The following MAGI2 variants were observed in gnomAD, a reference collection of about 807,000 sequenced individuals.
MAGI2 encodes membrane associated guanylate kinase, WW and PDZ domain containing 2.
A neutral mutation model predicts 133.3 loss-of-function variants in MAGI2; 35 were observed. The observed-to-expected ratio is 0.26, with a 90% CI of 0.20 to 0.35. The LOEUF (loss-of-function observed/expected upper bound fraction) is 0.35, where lower values mean the gene tolerates loss of function less well. MAGI2 is among the 10% of genes least tolerant of loss of function. MAGI2 has a pLI of 1.00. For synonymous variants in MAGI2, 729 were observed against 710.6 expected (o/e 1.03, Z -0.41); for missense variants, 1,636 against 1,863.4 (o/e 0.88, Z 2.25).
chr7:78,182,252 T>G (rs543345362), intron 13 of MAGI2, among the ~76,000 whole-genome samples: 1 of 152,290 alleles, frequency 6.6e-6, no homozygotes, highest in Non-Finnish European at 1.5e-5. Flanking sequence ...TTAAACATGG[T>G]CTTGACTTCT....
At chr7:79,443,985 CT>C (rs1405280262) in intron 1 of MAGI2, among the ~76,000 whole-genome samples, 1 of 152,082 alleles carries the variant, frequency 6.6e-6, no homozygotes, top group African/African-American at 2.4e-5. Flanking sequence ...GATAAAATTT[CT>C]TCTACAAATT....
At chr7:78,528,004 T>C (rs373786389) in intron 3 of MAGI2, among the ~76,000 whole-genome samples, 1 of 147,846 alleles carries the variant, frequency 6.8e-6, no homozygotes, top group East Asian at 2.0e-4. Flanking sequence ...TTCCCCGTTT[T>C]GGTAAATGGA....
At chr7:79,027,771 T>C (rs968906329) in intron 1 of MAGI2, among the ~76,000 whole-genome samples, 7 of 152,162 alleles carry the variant, frequency 4.6e-5, no homozygotes, top group African/African-American at 1.4e-4. Flanking sequence ...CATAGCATCA[T>C]TTTGTAATCT....
At chr7:79,275,745 T>C (rs868749541) in intron 1 of MAGI2, among the ~76,000 whole-genome samples, 46 of 152,126 alleles carry the variant, frequency 3.0e-4, no homozygotes, top group Admixed American at 6.5e-4. Context: ...TGTCTTTAAG[T>C]TGAAGCCAGT....
At chr7:78,020,116 C>T (rs1255594280) in intron 21 of MAGI2, 140 bp from the exon 22 acceptor site, 1 of 754,226 alleles carries the variant, frequency 1.3e-6, no homozygotes, top group East Asian at 3.0e-5. Context: ...CCCACCCCCA[C>T]CCTCACTGCC....
intron 15 of MAGI2, among the ~76,000 whole-genome samples, chr7:78,163,096 AC>A (rs1455810911): frequency 1.3e-5 from 2 of 152,260 alleles, no homozygotes; most frequent in East Asian, 3.9e-4. Flanking sequence ...GAATTCAATC[AC>A]TTAGTATCTA....
At chr7:78,610,422 A>C (rs1436267750) in intron 3 of MAGI2, among the ~76,000 whole-genome samples, 2 of 152,186 alleles carry the variant, frequency 1.3e-5, no homozygotes, top group Non-Finnish European at 2.9e-5. Flanking sequence ...CATCCAGCTC[A>C]ACCACTTGGC....
At chr7:78,966,204 C>A (rs1803289889) in intron 2 of MAGI2, among the ~76,000 whole-genome samples, 1 of 152,192 alleles carries the variant, frequency 6.6e-6, no homozygotes, top group South Asian at 2.1e-4. Context: ...ACCATGAGAT[C>A]TATCCTCTTA....
chr7:78,033,808 G>A (rs1024050182), intron 21 of MAGI2, among the ~76,000 whole-genome samples: 2 of 152,076 alleles, frequency 1.3e-5, no homozygotes, highest in African/African-American at 4.8e-5. Flanking sequence ...AGGGGGAGGG[G>A]TGCATGGGAT....
chr7:79,073,946 A>G (rs1393438540), intron 1 of MAGI2, among the ~76,000 whole-genome samples: 1 of 152,036 alleles, frequency 6.6e-6, no homozygotes. Flanking sequence ...TTTAAATGCC[A>G]CTTCTTTCAG....
At chr7:79,018,386 T>C (rs1329807335) in intron 1 of MAGI2, among the ~76,000 whole-genome samples, 2 of 152,110 alleles carry the variant, frequency 1.3e-5, no homozygotes, top group East Asian at 1.9e-4. Flanking sequence ...TTTCAAGAGA[T>C]CCTAAAGGAA....
At chr7:78,381,203 T>G (rs940684262) in intron 6 of MAGI2, among the ~76,000 whole-genome samples, 1 of 151,990 alleles carries the variant, frequency 6.6e-6, no homozygotes, top group Non-Finnish European at 1.5e-5. Flanking sequence ...AAAAATTAGC[T>G]GGCCGTTGTG....
At chr7:78,541,301 A>C (rs1297710255) in intron 3 of MAGI2, among the ~76,000 whole-genome samples, 2 of 152,234 alleles carry the variant, frequency 1.3e-5, no homozygotes, top group Non-Finnish European at 2.9e-5. Context: ...GCCCAACAGC[A>C]GTTTAAATCT....
intron 1 of MAGI2, among the ~76,000 whole-genome samples, chr7:79,436,417 C>T: frequency 6.6e-6 from 1 of 151,904 alleles, no homozygotes; most frequent in East Asian, 1.9e-4. Context: ...AAACAGACAA[C>T]CTAAAGAATA....
intron 10 of MAGI2, among the ~76,000 whole-genome samples, chr7:78,243,186 G>T (rs1239060939): frequency 6.7e-6 from 1 of 148,682 alleles, no homozygotes; most frequent in South Asian, 2.1e-4. Context: ...GGGGGTAAAG[G>T]AACATGATAT....
chr7:79,423,768 T>C (rs1377922919), intron 1 of MAGI2, among the ~76,000 whole-genome samples: 2 of 152,098 alleles, frequency 1.3e-5, no homozygotes, highest in Admixed American at 1.3e-4. Context: ...TATCTTTAGA[T>C]TTCCTGTTAT....
At chr7:78,739,022 AAG>A (rs1160511227) in intron 2 of MAGI2, among the ~76,000 whole-genome samples, 3 of 152,232 alleles carry the variant, frequency 2.0e-5, no homozygotes, top group Non-Finnish European at 4.4e-5. Context: ...AATGCATGAA[AAG>A]AGATACTCAG....
At chr7:78,472,174 A>C (rs4730321) in intron 6 of MAGI2, among the ~76,000 whole-genome samples, 113,323 of 151,934 alleles carry the variant, frequency 0.75, 42,681 homozygotes, top group African/African-American at 0.85. Flanking sequence ...GTTGCATCAC[A>C]AATTTTTGCT....
At chr7:79,016,136 G>T (rs972711550) in intron 1 of MAGI2, among the ~76,000 whole-genome samples, 1 of 152,030 alleles carries the variant, frequency 6.6e-6, no homozygotes, top group African/African-American at 2.4e-5. Flanking sequence ...GAAGTAGTAT[G>T]GGCAGAACTC....
Sources: allele counts gnomAD v4.1 joint callset (sites outside exome capture counted in the v4.1 genomes callset), GRCh38; gene constraint gnomAD v4.1.1; transcripts MANE v1.5; gene names NCBI Gene and HGNC (gene_info 2026-07-23, HGNC 2026-07-21).